RAPGEF6: variants seen among roughly 807,000 people sequenced by gnomAD.
The protein encoded by RAPGEF6 is Rap guanine nucleotide exchange factor 6.
In RAPGEF6, 56 loss-of-function variants were observed where a neutral mutation model predicts 171.4. The ratio of observed to expected loss-of-function variants is 0.33; its 90% confidence interval spans 0.26 to 0.41. The LOEUF is 0.41. Among genes scored for constraint, RAPGEF6 ranks in the 10% least tolerant of loss-of-function variants. The probability of loss-of-function intolerance (pLI) is 1.00; values close to 1 mark genes in which losing one functional copy is unlikely to be tolerated. For synonymous variants in RAPGEF6, 692 were observed against 650.1 expected, an observed-to-expected ratio of 1.06 and a Z score of -0.98; for missense variants, 1,674 against 1,921.4, an observed-to-expected ratio of 0.87 and a Z score of 2.41.
intron 12 of RAPGEF6, 29 bp downstream of exon 12, chr5:131,498,414 A>G: frequency 1.9e-6 from 3 of 1,549,980 alleles, no homozygotes; most frequent in Non-Finnish European, 2.6e-6. Flanking sequence ...TTGGGTTAAA[A>G]TCACTTTCAT....
chr5:131,502,398 A>G (rs546024204), intron 11 of RAPGEF6, among the ~76,000 whole-genome samples: 13 of 152,368 alleles, frequency 8.5e-5, no homozygotes, highest in African/African-American at 2.6e-4. Context: ...TTTATCAGTT[A>G]CAAAGGGTAA....
chr5:131,483,641 G>A lies in RAPGEF6; in HGVS notation c.1841-3888C>T, dbSNP rs959059850. On this transcript the variant is annotated intron_variant, in intron 15 of 27. Coordinates refer to ENST00000509018, the MANE Select transcript of RAPGEF6 (RefSeq NM_016340.6). ...TCTCTTCCCACATATGTATATATGCGTTCACAAACACACGAAACAAAAGTC... is the reference window on the plus strand; with the variant it reads ...TCTCTTCCCACATATGTATATATGCATTCACAAACACACGAAACAAAAGTC... Among the ~76,000 whole-genome samples, 54 of 152,008 alleles carry A rather than the reference G, an allele frequency of 3.6e-4. 1 individual carries two copies. The highest frequency in any genetic ancestry group is 1.8e-3 in the Admixed American group (28 of 15,246).
In RAPGEF6 at chr5:131,433,544, G is replaced by A. The variant is rs993111417; in HGVS notation, c.3860C>T (p.Ala1287Val). 6.2e-7 allele frequency: 1 copy of A among 1,612,938 alleles called. No individual in the cohort carries two copies. Among genetic ancestry groups the A allele is most frequent in the African/African-American group, 1.3e-5 (1 of 74,886 alleles). ...AGAGGAACACCGTTCATCCTGTAGA[G>A]CTGCAGACATGGAGTCAACAGAACA... ...SNCSVDSMSA[A>V]LQDERCSSQA... The change falls in exon 25 of 28, where the codon GCT (alanine) becomes GTT (valine). Residue 1287 changes from alanine (A) to valine (V), a missense_variant. Coordinates refer to ENST00000509018, the MANE Select transcript of RAPGEF6 (RefSeq NM_016340.6).
chr5:131,475,539 A>G (rs1755038631), intron 16 of RAPGEF6, among the ~76,000 whole-genome samples: 2 of 152,220 alleles, frequency 1.3e-5, no homozygotes, highest in Admixed American at 1.3e-4. Flanking sequence ...CAAGCAAGGC[A>G]GTTTATTTCT....
chr5:131,498,676 A>G, intron 11 of RAPGEF6, 69 bp from the exon 12 acceptor site: 1 of 1,408,278 alleles, frequency 7.1e-7, no homozygotes, highest in Non-Finnish European at 9.9e-7. Context: ...ACTATTGTTG[A>G]TTACTCCGCT....
chr5:131,458,355 G>A (rs566549899), intron 19 of RAPGEF6, among the ~76,000 whole-genome samples: 2 of 152,270 alleles, frequency 1.3e-5, no homozygotes, highest in African/African-American at 4.8e-5. Flanking sequence ...TGCCATGTAA[G>A]ACACGCCATG....
chr5:131,599,700 A>G (rs1422975209), intron 3 of RAPGEF6, among the ~76,000 whole-genome samples: 1 of 152,222 alleles, frequency 6.6e-6, no homozygotes, highest in East Asian at 1.9e-4. Flanking sequence ...ATTTGTATCC[A>G]TTACTGTGAG....
intron 17 of RAPGEF6, among the ~76,000 whole-genome samples, chr5:131,468,323 C>G (rs1754512149): frequency 7.6e-6 from 1 of 131,816 alleles, no homozygotes. Flanking sequence ...CAAAGCGAGA[C>G]TCCATCTCAA....
intron 4 of RAPGEF6, among the ~76,000 whole-genome samples, chr5:131,563,980 T>C (rs528738311): frequency 3.3e-5 from 5 of 152,126 alleles, no homozygotes; most frequent in South Asian, 4.2e-4. Flanking sequence ...AAACAAAATA[T>C]ATAAAACAAC....
Position 131,479,447 on chromosome 5 carries a change from C to T in RAPGEF6, c.2081+66G>A, listed in dbSNP as rs1305920526. The T allele has an allele frequency of 7.0e-6, 11 of 1,567,620 alleles. No individual in the cohort carries two copies. In the Admixed American group the frequency reaches 7.2e-5, roughly 10 times the overall value. ...AGCAAAACTTACCCAAGCCTCCCCC[C>T]ACCCCAAATAAAAACTTTACAGTGA... is the stretch of plus-strand genomic sequence containing the variant. On this transcript the variant is annotated intron_variant, in intron 16 of 27. Transcript: ENST00000509018.
chr5:131,515,316 T>A (rs769199279), intron 7 of RAPGEF6, among the ~76,000 whole-genome samples: 2 of 152,180 alleles, frequency 1.3e-5, no homozygotes, highest in African/African-American at 2.4e-5. Flanking sequence ...ATGAAGTTAA[T>A]CTTTCAGTCC....
chr5:131,472,811 C>T lies in RAPGEF6; in HGVS notation c.2082-67G>A, dbSNP rs1005488870. The T allele has an allele frequency of 1.3e-5, 18 of 1,380,790 alleles. No individual in the cohort carries two copies. In the South Asian group the frequency reaches 1.4e-4, roughly 11 times the overall value. 85.5% of individuals were successfully genotyped at this position (1,380,790 alleles called of 1,614,324 possible). A position where few individuals can be genotyped will look rare whatever the true frequency, so the allele number is the denominator to read the frequency against. On this transcript the variant is annotated intron_variant, in intron 16 of 27. Transcript: ENST00000509018. ...TACTTAAGTAGTAAACGTTTCTGTT[C>T]CCTGTGCACTAAGGCATAAAAGAAC... is the stretch of plus-strand genomic sequence containing the variant.
At position 131,504,254 on chromosome 5, in the gene RAPGEF6, G is replaced by A. The variant is rs145617052; in HGVS notation, c.1254+372C>T. Among the ~76,000 whole-genome samples the A allele has an allele frequency of 7.2e-3, 1,095 of 152,192 alleles. 7 individuals are homozygous for A. The highest frequency in any genetic ancestry group is 0.024 in the African/African-American group (1,014 of 41,520). On this transcript the variant is annotated intron_variant, in intron 11 of 27. Coordinates refer to ENST00000509018, the MANE Select transcript of RAPGEF6 (RefSeq NM_016340.6). ...CGAGGTGGGAGGATCACAGGGTCAG[G>A]AGTTCAAGACCAGCCTGGCCAAGAT...
chr5:131,463,883 A>C, intron 18 of RAPGEF6, 158 bp downstream of exon 18: 2 of 1,370,550 alleles, frequency 1.5e-6, no homozygotes, highest in Non-Finnish European at 1.9e-6. Flanking sequence ...CTAAGAGTTT[A>C]TTTTAGCAGG....
chr5:131,497,439 C>T (rs1346109939), intron 12 of RAPGEF6, among the ~76,000 whole-genome samples: 1 of 152,108 alleles, frequency 6.6e-6, no homozygotes, highest in Non-Finnish European at 1.5e-5. Context: ...AAACCAACGC[C>T]AAATCCAAGG....
chr5:131,474,849 G>A (rs1754992507), intron 16 of RAPGEF6, among the ~76,000 whole-genome samples: 1 of 152,032 alleles, frequency 6.6e-6, no homozygotes, highest in African/African-American at 2.4e-5. Flanking sequence ...GACACAGAGG[G>A]TGCGACAACA....
At chr5:131,469,721 T>C (rs1265713593) in intron 17 of RAPGEF6, 1 of 1,082,838 alleles carries the variant, frequency 9.2e-7, no homozygotes, top group Non-Finnish European at 1.3e-6. Flanking sequence ...TTCAATTCTG[T>C]ATCATTGGAC....
chr5:131,625,129 G>A (rs367647516), intron 1 of RAPGEF6, among the ~76,000 whole-genome samples: 6 of 152,266 alleles, frequency 3.9e-5, no homozygotes, highest in East Asian at 3.9e-4. Context: ...AGGTGTGGTA[G>A]CAGGCATCTG....
At chr5:131,630,461 G>C (rs1766231010) in intron 1 of RAPGEF6, among the ~76,000 whole-genome samples, 2 of 152,164 alleles carry the variant, frequency 1.3e-5, no homozygotes, top group Admixed American at 1.3e-4. Flanking sequence ...CAGTATCTGG[G>C]AGGTATGTCT....
Sources: allele counts gnomAD v4.1 joint callset (sites outside exome capture counted in the v4.1 genomes callset), GRCh38; gene constraint gnomAD v4.1.1; transcripts MANE v1.5; gene names NCBI Gene and HGNC (gene_info 2026-07-23, HGNC 2026-07-21).